Variants in PSD3 observed in about 807,000 individuals in gnomAD.
PSD3 encodes the protein pleckstrin and Sec7 domain containing 3.
In PSD3, 49 loss-of-function variants were observed where a neutral mutation model predicts 105.5. That is an observed-to-expected ratio of 0.46 (90% CI 0.37 to 0.59). The LOEUF is 0.59. PSD3 is among the 20% of genes least tolerant of loss of function. PSD3 has a pLI of 0.00. For missense variants in PSD3, 1,561 were observed against 1,263.8 expected (o/e 1.24, Z -3.57); for synonymous variants, 557 against 457.8 (o/e 1.22, Z -2.77).
At chr8:18,923,536 CT>C (rs1402520352) in intron 2 of PSD3, among the ~76,000 whole-genome samples, 1 of 152,186 alleles carries the variant, frequency 6.6e-6, no homozygotes, top group African/African-American at 2.4e-5. Context: ...TTCACTGTAC[CT>C]TTTCTATGTT....
intron 1 of PSD3, among the ~76,000 whole-genome samples, chr8:19,056,932 G>C (rs1480798040): frequency 6.6e-6 from 1 of 152,176 alleles, no homozygotes; most frequent in Non-Finnish European, 1.5e-5. Flanking sequence ...GATGAGCTCA[G>C]CTTACACTTT....
chr8:18,827,300 G>C (rs996968523), intron 4 of PSD3, among the ~76,000 whole-genome samples: 1 of 152,164 alleles, frequency 6.6e-6, no homozygotes, highest in Non-Finnish European at 1.5e-5. Context: ...ACCAGGTGGA[G>C]AGAAAGGAAA....
chr8:19,035,587 G>A (rs1468262022), intron 1 of PSD3, among the ~76,000 whole-genome samples: 1 of 151,756 alleles, frequency 6.6e-6, no homozygotes, highest in Admixed American at 6.6e-5. Flanking sequence ...TTGTTATGTT[G>A]ATCAGGCTGG....
At chr8:18,595,897 C>G (rs952798720) in intron 12 of PSD3, among the ~76,000 whole-genome samples, 4 of 151,930 alleles carry the variant, frequency 2.6e-5, no homozygotes, top group Middle Eastern at 3.2e-3. Context: ...ATGCAATACA[C>G]CAAATATCCT....
At chr8:18,604,952 G>A (rs1262388917) in intron 11 of PSD3, among the ~76,000 whole-genome samples, 1 of 152,230 alleles carries the variant, frequency 6.6e-6, no homozygotes, top group Non-Finnish European at 1.5e-5. Context: ...TATATGAAAA[G>A]TCTGGATGTA....
At chr8:18,894,280 T>C (rs1818999603) in intron 2 of PSD3, among the ~76,000 whole-genome samples, 1 of 152,220 alleles carries the variant, frequency 6.6e-6, no homozygotes, top group African/African-American at 2.4e-5. Flanking sequence ...AACAAGATGC[T>C]TACTTCACGG....
Position 18,871,969 on chromosome 8 carries a change from C to A in PSD3, c.895G>T (p.Val299Leu). The A allele has an allele frequency of 6.2e-7, 1 of 1,614,172 alleles. No homozygotes were observed. The highest frequency in any genetic ancestry group is 8.5e-7 in the Non-Finnish European group (1 of 1,180,030). ...AGTATTTCCACTCCTTGAAATTCCACATGTTTGACCCGGCCTGGGCGTCCC... is the reference window on the plus strand; with the variant it reads ...AGTATTTCCACTCCTTGAAATTCCAAATGTTTGACCCGGCCTGGGCGTCCC... ...SMGRPGRVKH[V>L]EFQGVEILWT... The change falls in exon 3 of 16, where the codon GTG becomes TTG. Residue 299 changes from valine to leucine, a missense_variant. Val to Leu is a conservative substitution (Grantham distance 32). Transcript: ENST00000327040.
chr8:18,692,650 A>C (rs1399194442), intron 9 of PSD3, among the ~76,000 whole-genome samples: 1 of 152,146 alleles, frequency 6.6e-6, no homozygotes, highest in Non-Finnish European at 1.5e-5. Context: ...AAAAAGTAGT[A>C]ACAGAACCTG....
chr8:18,550,442 T>C (rs1219972839), intron 15 of PSD3, among the ~76,000 whole-genome samples: 1 of 152,236 alleles, frequency 6.6e-6, no homozygotes, highest in African/African-American at 2.4e-5. Context: ...CTCTAGCTTT[T>C]GACTCATAAT....
intron 9 of PSD3, among the ~76,000 whole-genome samples, chr8:18,706,201 A>C: frequency 6.6e-6 from 1 of 152,172 alleles, no homozygotes; most frequent in East Asian, 1.9e-4. Context: ...GTAGCCACCA[A>C]AAAGTAATTG....
chr8:19,078,909 A>G (rs1401045799), intron 1 of PSD3, among the ~76,000 whole-genome samples: 1 of 151,478 alleles, frequency 6.6e-6, no homozygotes, highest in Non-Finnish European at 1.5e-5. Context: ...AAGATAGCAG[A>G]GGAGAGATGA....
chr8:18,969,242 T>C (rs913710307), intron 1 of PSD3, among the ~76,000 whole-genome samples: 2 of 152,196 alleles, frequency 1.3e-5, no homozygotes, highest in Non-Finnish European at 2.9e-5. Flanking sequence ...TAACCATACA[T>C]TCTCTTAAAA....
chr8:18,683,304 G>C (rs1800485780), intron 9 of PSD3, among the ~76,000 whole-genome samples: 1 of 152,130 alleles, frequency 6.6e-6, no homozygotes, highest in South Asian at 2.1e-4. Flanking sequence ...AATAGGACCA[G>C]GTCATACTTG....
intron 9 of PSD3, among the ~76,000 whole-genome samples, chr8:18,688,359 A>C (rs1800781629): frequency 6.6e-6 from 1 of 152,164 alleles, no homozygotes; most frequent in Non-Finnish European, 1.5e-5. Flanking sequence ...GGCCTCTCAA[A>C]GTGCTGGGAT....
At chr8:18,807,464 A>C (rs1320342824) in intron 4 of PSD3, among the ~76,000 whole-genome samples, 1 of 152,248 alleles carries the variant, frequency 6.6e-6, no homozygotes, top group Non-Finnish European at 1.5e-5. Context: ...CTGTGTAAAA[A>C]TGTCAACTCA....
chr8:18,721,709 G>C (rs758740565), intron 9 of PSD3, among the ~76,000 whole-genome samples: 3 of 152,130 alleles, frequency 2.0e-5, no homozygotes, highest in Non-Finnish European at 4.4e-5. Flanking sequence ...TTAACACAGG[G>C]CAAGAGGGAG....
intron 1 of PSD3, among the ~76,000 whole-genome samples, chr8:19,051,704 G>A (rs889736791): frequency 5.9e-5 from 9 of 152,224 alleles, no homozygotes; most frequent in African/African-American, 1.9e-4. Context: ...AAAGTTGGGG[G>A]ATTAGCATGT....
chr8:19,002,078 CACTA>C (rs1826428308), intron 1 of PSD3: 1 of 153,356 alleles, frequency 6.5e-6, no homozygotes, highest in Non-Finnish European at 1.5e-5. Context: ...CATCCTCTCT[CACTA>C]ACTGATCACC....
At chr8:18,946,965 T>C (rs1190586990) in intron 1 of PSD3, among the ~76,000 whole-genome samples, 4 of 150,326 alleles carry the variant, frequency 2.7e-5, no homozygotes, top group Admixed American at 2.7e-4. Context: ...AATTAAATAA[T>C]AAAATATAAA....
Sources: allele counts gnomAD v4.1 joint callset (sites outside exome capture counted in the v4.1 genomes callset), GRCh38; gene constraint gnomAD v4.1.1; transcripts MANE v1.5; gene names NCBI Gene and HGNC (gene_info 2026-07-23, HGNC 2026-07-21).